DGKG: variants seen among roughly 807,000 people sequenced by gnomAD.
DGKG encodes DAG kinase gamma.
DGKG carries 78 observed loss-of-function variants against 105.3 expected under a neutral mutation model. The observed-to-expected ratio is 0.74, with a 90% CI of 0.62 to 0.89. DGKG has a LOEUF of 0.89. Ranked by LOEUF, DGKG falls within the 40% of genes least tolerant of loss-of-function variation. DGKG has a pLI of 0.00. For synonymous variants in DGKG, 346 were observed against 367.1 expected (o/e 0.94, Z 0.66); for missense variants, 958 against 1,020.1 (o/e 0.94, Z 0.83).
Position 186,172,937 on chromosome 3 carries a change from C to T in DGKG, c.2096-7919G>A, listed in dbSNP as rs575541236. On this transcript the variant is annotated intron_variant, in intron 22 of 24. Transcript: ENST00000265022. ...TAAACAACAGAAATGTATTTTCTCACGGTTCTGGAGGCTGGAAGTCCAAGG... is the reference window on the plus strand; with the variant it reads ...TAAACAACAGAAATGTATTTTCTCATGGTTCTGGAGGCTGGAAGTCCAAGG... 1.7e-4 allele frequency among the ~76,000 whole-genome samples: 26 copies of T among 152,344 alleles called. No individual in the cohort carries two copies. The East Asian group carries it at 3.3e-3, about 19-fold the overall frequency.
intron 1 of DGKG, among the ~76,000 whole-genome samples, chr3:186,343,583 A>C: frequency 6.6e-6 from 1 of 152,132 alleles, no homozygotes; most frequent in Non-Finnish European, 1.5e-5. Flanking sequence ...CTGCACCTGG[A>C]CTATCTTATT....
At chr3:186,181,111 T>C (rs1479421794) in intron 22 of DGKG, among the ~76,000 whole-genome samples, 1 of 152,224 alleles carries the variant, frequency 6.6e-6, no homozygotes, top group African/African-American at 2.4e-5. Flanking sequence ...TCTGGGTAGC[T>C]AAGCAATTCT....
chr3:186,153,108 C>A (rs766743721), intron 24 of DGKG, among the ~76,000 whole-genome samples: 1 of 151,938 alleles, frequency 6.6e-6, no homozygotes, highest in Non-Finnish European at 1.5e-5. Flanking sequence ...TGTTTTTCAG[C>A]GGTTCTGACA....
chr3:186,170,633 C>A (rs2108485480), intron 22 of DGKG, among the ~76,000 whole-genome samples: 1 of 152,270 alleles, frequency 6.6e-6, no homozygotes. Flanking sequence ...ATAATATTGA[C>A]CTCAAAGTGG....
In DGKG at chr3:186,251,809, C is replaced by T. The variant is rs79928844; in HGVS notation, c.1711G>A (p.Gly571Arg). The T allele has an allele frequency of 3.3e-5, 53 of 1,613,908 alleles. No homozygotes were observed. Among genetic ancestry groups the T allele is most frequent in the South Asian group, 2.3e-4 (21 of 91,080 alleles). The change falls in exon 19 of 25, where the codon GGG becomes AGG. Residue 571 changes from glycine (G) to arginine (R), a missense_variant. Physicochemically the swap from Gly to Arg is moderately radical, Grantham distance 125. Coordinates refer to ENST00000265022, the MANE Select transcript of DGKG (RefSeq NM_001346.3). ...EVIPREEVEN[G>R]DQVPYSIMNN... ...ATGATGCTGTATGGGACCTGGTCCC[C>T]GTTTTCCACTTCCTCTCTGGGGATG... is the stretch of plus-strand genomic sequence containing the variant.
At chr3:186,347,158 G>A (rs2108666815) in intron 1 of DGKG, among the ~76,000 whole-genome samples, 1 of 152,044 alleles carries the variant, frequency 6.6e-6, no homozygotes, top group Middle Eastern at 3.4e-3. Context: ...TCTTTTAATA[G>A]AAATGATTGG....
intron 21 of DGKG, among the ~76,000 whole-genome samples, chr3:186,200,639 T>C (rs555080434): frequency 6.6e-6 from 1 of 152,302 alleles, no homozygotes; most frequent in South Asian, 2.1e-4. Flanking sequence ...TGCGCTGTGC[T>C]GAAAGAGTGC....
intron 22 of DGKG, among the ~76,000 whole-genome samples, chr3:186,179,150 G>A (rs950756484): frequency 3.3e-5 from 5 of 152,174 alleles, no homozygotes; most frequent in East Asian, 1.9e-4. Context: ...ACCACACGGC[G>A]TTCTAGTGCA....
chr3:186,228,545 G>T (rs1363830658), intron 20 of DGKG, among the ~76,000 whole-genome samples: 1 of 152,150 alleles, frequency 6.6e-6, no homozygotes. Context: ...AAACTCTGGT[G>T]CAGACCAGCG....
intron 22 of DGKG, among the ~76,000 whole-genome samples, chr3:186,165,258 A>G (rs1309696892): frequency 6.6e-6 from 1 of 152,238 alleles, no homozygotes; most frequent in East Asian, 1.9e-4. Context: ...TATATATCCA[A>G]TAAATAGGTT....
chr3:186,194,803 T>TAA lies in DGKG; in HGVS notation c.1918-6426_1918-6425dup, dbSNP rs57878064. Among the ~76,000 whole-genome samples, 116 of 105,402 alleles carry TAA rather than the reference T, an allele frequency of 1.1e-3. 3 individuals are homozygous for TAA. Among genetic ancestry groups the TAA allele is most frequent in the African/African-American group, 3.8e-3 (107 of 27,928 alleles). The allele number at this position is 105,402 out of a possible 152,430, so 69.1% of individuals were successfully genotyped here. The stretch of plus-strand genomic sequence containing the variant: ...CCACGACTCTTTCTTGGTCTTTCTT[T>TAA]AAAAAAAAAAAAAAAAAAAGCCGGG... On this transcript the variant is annotated intron_variant, in intron 21 of 24. Transcript: ENST00000265022.
chr3:186,361,057 G>A lies in DGKG; in HGVS notation c.-249+889C>T, dbSNP rs1578883582. ...GCAGCAGACGCTCCCGCCGCGGGGG[G>A]CGACTGGGGGAGGGGTCTCGACCGC... On this transcript the variant is annotated intron_variant, in intron 1 of 24. Coordinates refer to ENST00000265022, the MANE Select transcript of DGKG (RefSeq NM_001346.3). This position sits in a 1 kb window ranked among gnomAD's most constrained non-coding sequence, Gnocchi z 6.8. Among the ~76,000 whole-genome samples, 1 of 152,206 alleles carries A rather than the reference G, an allele frequency of 6.6e-6. No homozygotes were observed. The highest frequency in any genetic ancestry group is 6.5e-5 in the Admixed American group (1 of 15,290).
rs536324964 is a variant in DGKG, at chr3:186,210,231, G to T, written c.1917+1564C>A. ...TGCGCCTGCAGCTGGCTGTGGTTAG[G>T]CCAGGGCTGTCCCTCACTTGTGGTA... On this transcript the variant is annotated intron_variant, in intron 21 of 24. Coordinates refer to ENST00000265022, the MANE Select transcript of DGKG (RefSeq NM_001346.3). This position sits in a 1 kb window ranked among gnomAD's most constrained non-coding sequence, Gnocchi z 5.2. Among the ~76,000 whole-genome samples the T allele has an allele frequency of 2.6e-4, 39 of 152,292 alleles. No homozygotes were observed. The highest frequency in any genetic ancestry group is 2.5e-3 in the Admixed American group (39 of 15,304).
intron 2 of DGKG, chr3:186,313,615 A>G: frequency 4.1e-6 from 3 of 725,026 alleles, no homozygotes; most frequent in Non-Finnish European, 5.1e-6. Context: ...TTGTTAGAAA[A>G]GCAGATTCTC....
chr3:186,244,604 C>G (rs542085536), intron 19 of DGKG, among the ~76,000 whole-genome samples: 2 of 152,222 alleles, frequency 1.3e-5, no homozygotes, highest in South Asian at 4.1e-4. Flanking sequence ...CAGTGTTTCA[C>G]CATGTTGGCC....
chr3:186,281,167 G>A (rs1273988901), intron 7 of DGKG: 1 of 167,094 alleles, frequency 6.0e-6, no homozygotes, highest in Non-Finnish European at 1.3e-5. Context: ...CCATCTCTCA[G>A]CTCGAGGCCA....
At chr3:186,357,817 C>T (rs760226938) in intron 1 of DGKG, among the ~76,000 whole-genome samples, 15 of 152,208 alleles carry the variant, frequency 9.9e-5, no homozygotes, top group Admixed American at 2.0e-4. Flanking sequence ...CACTGTAGCA[C>T]AGTCCAGTTA....
At chr3:186,333,211 G>A (rs1031354773) in intron 1 of DGKG, among the ~76,000 whole-genome samples, 23 of 152,270 alleles carry the variant, frequency 1.5e-4, no homozygotes, top group African/African-American at 1.4e-4. Flanking sequence ...CAGCACCACC[G>A]GGGGAACGTG....
chr3:186,242,630 G>A (rs1206277671), intron 19 of DGKG, 62 bp from the exon 20 acceptor site: 3 of 1,415,414 alleles, frequency 2.1e-6, no homozygotes, highest in South Asian at 2.6e-5. Flanking sequence ...AGTGCGGAGG[G>A]AAGGGACGCA....
Sources: gnomAD v4.1 joint callset for allele counts (sites outside exome capture counted in the v4.1 genomes callset) on GRCh38, gnomAD v4.1.1 for gene constraint, Gnocchi (gnomAD v3.1) non-coding constraint, MANE v1.5 for transcripts, NCBI Gene and HGNC (gene_info 2026-07-23, HGNC 2026-07-21) for gene names.